Variants in TBC1D9 observed in about 807,000 individuals in gnomAD.
TBC1D9 encodes TBC1 domain family member 9A.
Under a neutral mutation model 132.0 loss-of-function variants are expected in TBC1D9, and 63 were observed. That is an observed-to-expected ratio of 0.48 (90% CI 0.39 to 0.59). TBC1D9 has a LOEUF of 0.59. TBC1D9 is among the 20% of genes least tolerant of loss of function. The probability of loss-of-function intolerance (pLI) is 0.00; values close to 1 mark genes in which losing one functional copy is unlikely to be tolerated. For missense variants in TBC1D9, 1,261 were observed against 1,592.7 expected (o/e 0.79, Z 3.54); for synonymous variants, 610 against 609.9 (o/e 1.00, Z 0.00).
At chr4:140,720,368 C>A (rs1738405390) in intron 1 of TBC1D9, among the ~76,000 whole-genome samples, 1 of 152,188 alleles carries the variant, frequency 6.6e-6, no homozygotes, top group Admixed American at 6.5e-5. Context: ...AAAGAGACAA[C>A]AGGAGCAGAA....
intron 3 of TBC1D9, among the ~76,000 whole-genome samples, chr4:140,684,106 A>G (rs1022145757): frequency 1.3e-5 from 2 of 152,186 alleles, no homozygotes; most frequent in African/African-American, 4.8e-5. Context: ...CAATATGCAT[A>G]TTAGAAGTGG....
intron 1 of TBC1D9, among the ~76,000 whole-genome samples, chr4:140,713,369 T>C (rs1738280492): frequency 6.6e-6 from 1 of 152,186 alleles, no homozygotes; most frequent in Non-Finnish European, 1.5e-5. Context: ...CCAGGAAAGA[T>C]GCATATTAAA....
At chr4:140,718,549 C>T (rs979881221) in intron 1 of TBC1D9, among the ~76,000 whole-genome samples, 3 of 152,194 alleles carry the variant, frequency 2.0e-5, no homozygotes, top group Non-Finnish European at 4.4e-5. Flanking sequence ...AATGACTGAA[C>T]ATTTTCACAA....
intron 5 of TBC1D9, among the ~76,000 whole-genome samples, chr4:140,678,101 C>T (rs997098825): frequency 1.3e-5 from 2 of 151,826 alleles, no homozygotes; most frequent in East Asian, 3.9e-4. Flanking sequence ...CTTTCCTTGT[C>T]TTTTATTTTT....
chr4:140,669,780 C>A lies in TBC1D9; in HGVS notation c.1291G>T (p.Val431Phe), dbSNP rs772557369. Residue 431 changes from valine to phenylalanine, a missense_variant, in exon 8 of 21, where the codon GTC (valine) becomes TTC (phenylalanine). Transcript: ENST00000442267. ...DEVYSRPSSL[V>F]SSSPQRSTSS... ...GTGCTTCTCTGGGGGCTGGAGGAGACGAGGCTGCTGGGTCGAGAGTACACC... is the reference window on the plus strand; with the variant it reads ...GTGCTTCTCTGGGGGCTGGAGGAGAAGAGGCTGCTGGGTCGAGAGTACACC... 1 of 1,613,722 alleles carries A rather than the reference C, an allele frequency of 6.2e-7. No individual in the cohort carries two copies. Among genetic ancestry groups the A allele is most frequent in the Non-Finnish European group, 8.5e-7 (1 of 1,179,774 alleles).
intron 1 of TBC1D9, among the ~76,000 whole-genome samples, chr4:140,716,794 C>T (rs543617105): frequency 1.3e-5 from 2 of 151,432 alleles, no homozygotes; most frequent in African/African-American, 2.4e-5. Flanking sequence ...GTTTTTTTCA[C>T]CCTTAATTAT....
intron 13 of TBC1D9, among the ~76,000 whole-genome samples, chr4:140,645,976 T>C (rs1737097717): frequency 6.6e-6 from 1 of 152,236 alleles, no homozygotes; most frequent in Non-Finnish European, 1.5e-5. Context: ...TGTTCCTTCT[T>C]ACTTGAATTT....
At chr4:140,720,192 A>AAT (rs1174448748) in intron 1 of TBC1D9, among the ~76,000 whole-genome samples, 1 of 152,200 alleles carries the variant, frequency 6.6e-6, no homozygotes. Context: ...CCATCAGCTC[A>AAT]ATAGCAAGGG....
intron 15 of TBC1D9, among the ~76,000 whole-genome samples, chr4:140,634,673 CATG>C (rs915079786): frequency 1.3e-5 from 2 of 152,140 alleles, no homozygotes; most frequent in East Asian, 1.9e-4. Flanking sequence ...AAAGCAGAAT[CATG>C]ATGAGATTTT....
At chr4:140,746,091 T>C (rs1578865747) in intron 1 of TBC1D9, among the ~76,000 whole-genome samples, 1 of 152,180 alleles carries the variant, frequency 6.6e-6, no homozygotes, top group African/African-American at 2.4e-5. Flanking sequence ...ACTCTTACCA[T>C]CTCCATGCCT....
At chr4:140,721,547 G>T (rs1738424037) in intron 1 of TBC1D9, among the ~76,000 whole-genome samples, 1 of 152,194 alleles carries the variant, frequency 6.6e-6, no homozygotes, top group South Asian at 2.1e-4. Context: ...AGTTGAGGAT[G>T]CTAAGAGGGA....
intron 13 of TBC1D9, chr4:140,641,831 C>G (rs570204201): frequency 3.3e-6 from 1 of 303,602 alleles, no homozygotes; most frequent in Non-Finnish European, 6.2e-6. Flanking sequence ...GGCCTTCCTG[C>G]GGCCATCCGC....
chr4:140,678,059 C>T (rs182919823), intron 5 of TBC1D9, among the ~76,000 whole-genome samples: 2 of 150,824 alleles, frequency 1.3e-5, no homozygotes, highest in Non-Finnish European at 3.0e-5. Flanking sequence ...CACTGAATTT[C>T]TTGAAAATGA....
intron 1 of TBC1D9, among the ~76,000 whole-genome samples, chr4:140,740,821 C>T (rs1738747885): frequency 1.3e-5 from 2 of 152,330 alleles, no homozygotes; most frequent in South Asian, 2.1e-4. Context: ...AAGTTCCTAA[C>T]TTAGATCTCC....
chr4:140,697,145 G>A (rs772225759), intron 2 of TBC1D9, among the ~76,000 whole-genome samples: 2 of 152,140 alleles, frequency 1.3e-5, no homozygotes, highest in Non-Finnish European at 2.9e-5. Context: ...GGGAAGCTGA[G>A]GCAGGCGGAT....
At chr4:140,721,269 A>G (rs1738419768) in intron 1 of TBC1D9, among the ~76,000 whole-genome samples, 1 of 152,252 alleles carries the variant, frequency 6.6e-6, no homozygotes. Flanking sequence ...CCCTTGAAAC[A>G]ACAATCAAAT....
chr4:140,698,208 G>A (rs1489181291), intron 2 of TBC1D9, among the ~76,000 whole-genome samples: 1 of 152,170 alleles, frequency 6.6e-6, no homozygotes, highest in Non-Finnish European at 1.5e-5. Flanking sequence ...TAAACGTGCA[G>A]AGAAGACTGG....
intron 13 of TBC1D9, among the ~76,000 whole-genome samples, chr4:140,648,326 T>C (rs1737134082): frequency 6.6e-6 from 1 of 152,182 alleles, no homozygotes; most frequent in South Asian, 2.1e-4. Context: ...TGTGGCCTGT[T>C]TCTAATTTTT....
At chr4:140,625,523 C>G (rs553436482) in intron 18 of TBC1D9, among the ~76,000 whole-genome samples, 1 of 152,234 alleles carries the variant, frequency 6.6e-6, no homozygotes, top group South Asian at 2.1e-4. Context: ...GAGATGTGGC[C>G]TTTACTGTAT....
Sources: gnomAD v4.1 joint callset for allele counts (sites outside exome capture counted in the v4.1 genomes callset) on GRCh38, gnomAD v4.1.1 for gene constraint, MANE v1.5 for transcripts, NCBI Gene and HGNC (gene_info 2026-07-23, HGNC 2026-07-21) for gene names.